The following SDK1 variants were observed in gnomAD, a reference collection of about 807,000 sequenced individuals.
SDK1 encodes sidekick cell adhesion molecule 1.
SDK1 carries 157 observed loss-of-function variants against 245.5 expected under a neutral mutation model. That is an observed-to-expected ratio of 0.64 (90% CI 0.56 to 0.73). The LOEUF (loss-of-function observed/expected upper bound fraction) is 0.73, where lower values mean the gene tolerates loss of function less well. Among genes scored for constraint, SDK1 ranks in the 30% least tolerant of loss-of-function variants. The pLI is 0.00. For missense variants in SDK1, 3,583 were observed against 3,002.3 expected (o/e 1.19, Z -4.52); for synonymous variants, 1,647 against 1,278.5 (o/e 1.29, Z -6.15).
At position 4,267,484 on chromosome 7, in the gene SDK1, C is replaced by T; in HGVS notation, c.*2100C>T. 1 of 985,444 alleles carries T rather than the reference C, an allele frequency of 1.0e-6. No individual in the cohort carries two copies. The highest frequency in any genetic ancestry group is 1.2e-6 in the Non-Finnish European group (1 of 829,934). 61.0% of individuals were successfully genotyped at this position (985,444 alleles called of 1,614,324 possible). On this transcript the variant is annotated 3_prime_UTR_variant, in exon 45 of 45. Coordinates refer to ENST00000404826, the MANE Select transcript of SDK1 (RefSeq NM_152744.4). ...GACTCACCACAGTGGACAGTGCCAC[C>T]TCCTTCCCCTCGGCCCCGGAGAGGG...
chr7:3,398,551 G>C (rs1454750239), intron 1 of SDK1, among the ~76,000 whole-genome samples: 1 of 151,952 alleles, frequency 6.6e-6, no homozygotes, highest in Non-Finnish European at 1.5e-5. Flanking sequence ...TAGAACAGAA[G>C]GCTCCGGGCA....
chr7:3,339,187 A>G (rs368792315), intron 1 of SDK1, among the ~76,000 whole-genome samples: 1 of 144,924 alleles, frequency 6.9e-6, no homozygotes, highest in East Asian at 2.1e-4. Context: ...ATAAATTAAT[A>G]AAGACAGAGG....
chr7:3,651,841 C>T (rs1370953610), intron 4 of SDK1, among the ~76,000 whole-genome samples: 2 of 152,204 alleles, frequency 1.3e-5, no homozygotes, highest in East Asian at 1.9e-4. Flanking sequence ...TAATAGAGAA[C>T]AGAGGGGAAT....
chr7:4,166,432 G>A (rs1781505802), intron 32 of SDK1, among the ~76,000 whole-genome samples: 1 of 152,256 alleles, frequency 6.6e-6, no homozygotes, highest in African/African-American at 2.4e-5. Flanking sequence ...TGGCCAGAGG[G>A]GCACCTGAAT....
chr7:3,419,456 G>C (rs907553231), intron 1 of SDK1, among the ~76,000 whole-genome samples: 11 of 152,090 alleles, frequency 7.2e-5, no homozygotes, highest in African/African-American at 2.4e-4. Context: ...TGAGTGTCTC[G>C]GGGAAACATC....
intron 5 of SDK1, among the ~76,000 whole-genome samples, chr7:3,926,826 G>A (rs1779788474): frequency 6.6e-6 from 1 of 152,214 alleles, no homozygotes; most frequent in Non-Finnish European, 1.5e-5. Flanking sequence ...CTTAGCAACT[G>A]TGTGACCCAG....
intron 1 of SDK1, among the ~76,000 whole-genome samples, chr7:3,426,038 A>G (rs1263414553): frequency 6.6e-6 from 1 of 152,206 alleles, no homozygotes; most frequent in Non-Finnish European, 1.5e-5. Flanking sequence ...ATTACTTTTT[A>G]TTTGTCTTCT....
intron 13 of SDK1, among the ~76,000 whole-genome samples, chr7:3,981,051 G>A (rs1292433428): frequency 6.6e-6 from 1 of 152,142 alleles, no homozygotes; most frequent in East Asian, 1.9e-4. Context: ...TTTACAAACT[G>A]GAGGTTTGCA....
At chr7:3,813,241 C>G (rs1194366202) in intron 4 of SDK1, among the ~76,000 whole-genome samples, 1 of 143,530 alleles carries the variant, frequency 7.0e-6, no homozygotes, top group Admixed American at 6.9e-5. Flanking sequence ...AGGTATATCT[C>G]CCAATGCTAT....
In SDK1 at chr7:3,305,847, A is replaced by G. The variant is rs146923965; in HGVS notation, c.298+3963A>G. ...GTCCTTTATTGAACCTTTACGTGCC[A>G]AGCACTAAGTGCTCATTTATTCTTC... On this transcript the variant is annotated intron_variant, in intron 1 of 44. Transcript: ENST00000404826. Among the ~76,000 whole-genome samples the G allele has an allele frequency of 1.5e-3, 234 of 152,312 alleles. 1 individual carries two copies. The highest frequency in any genetic ancestry group is 2.8e-3 in the Non-Finnish European group (189 of 68,026).
chr7:3,427,566 T>TA (rs1384878005), intron 1 of SDK1, among the ~76,000 whole-genome samples: 3 of 151,808 alleles, frequency 2.0e-5, no homozygotes, highest in Non-Finnish European at 4.4e-5. Context: ...ATTAAAAACT[T>TA]ATCAGGAGTA....
At chr7:4,089,410 C>T (rs902451077) in intron 22 of SDK1, among the ~76,000 whole-genome samples, 2 of 152,254 alleles carry the variant, frequency 1.3e-5, no homozygotes, top group Non-Finnish European at 2.9e-5. Context: ...GAGGGTCCCG[C>T]CTCAGGGGGC....
chr7:3,570,898 G>C lies in SDK1; in HGVS notation c.299-48182G>C, dbSNP rs528854165. On this transcript the variant is annotated intron_variant, in intron 1 of 44. Transcript: ENST00000404826. ...CACAGTTTGCTTGCTTACTTTTCAT[G>C]CATGCTTCTTTAATCCAGGGTGATT... 1.6e-3 allele frequency among the ~76,000 whole-genome samples: 245 copies of C among 150,064 alleles called. 1 individual carries two copies. Among genetic ancestry groups the C allele is most frequent in the African/African-American group, 5.6e-3 (232 of 41,404 alleles).
intron 44 of SDK1, among the ~76,000 whole-genome samples, chr7:4,257,359 C>T (rs1384605857): frequency 1.3e-5 from 2 of 152,184 alleles, no homozygotes; most frequent in African/African-American, 2.4e-5. Flanking sequence ...AACCGACACA[C>T]GTTGCTACTT....
chr7:3,685,241 A>G (rs548644416), intron 4 of SDK1, among the ~76,000 whole-genome samples: 12 of 152,246 alleles, frequency 7.9e-5, no homozygotes, highest in Middle Eastern at 3.4e-3. Context: ...AAATGAGGGA[A>G]TACTTATAAG....
chr7:3,656,701 T>G (rs998726728), intron 4 of SDK1, among the ~76,000 whole-genome samples: 7 of 151,724 alleles, frequency 4.6e-5, no homozygotes, highest in African/African-American at 1.7e-4. Flanking sequence ...ACAAGCCTGG[T>G]CTTATCTGGT....
intron 1 of SDK1, among the ~76,000 whole-genome samples, chr7:3,317,754 A>G (rs1478420619): frequency 6.6e-6 from 1 of 152,178 alleles, no homozygotes; most frequent in Non-Finnish European, 1.5e-5. Context: ...ACAGGTGAAA[A>G]CATCTCAAAA....
At chr7:3,456,565 A>T (rs187504506) in intron 1 of SDK1, among the ~76,000 whole-genome samples, 323 of 152,288 alleles carry the variant, frequency 2.1e-3, no homozygotes, top group East Asian at 0.011. Context: ...ATTTGTTTTT[A>T]AAAAAATAAC....
At chr7:4,187,063 G>A (rs1782938621) in intron 35 of SDK1, among the ~76,000 whole-genome samples, 1 of 152,174 alleles carries the variant, frequency 6.6e-6, no homozygotes, top group Admixed American at 6.5e-5. Context: ...TCTTGACTGT[G>A]TTTGCAGTGT....
Sources: allele counts gnomAD v4.1 joint callset (sites outside exome capture counted in the v4.1 genomes callset), GRCh38; gene constraint gnomAD v4.1.1; transcripts MANE v1.5; gene names NCBI Gene and HGNC (gene_info 2026-07-23, HGNC 2026-07-21).